Variants in SUFU observed in about 807,000 individuals in gnomAD.
SUFU encodes the protein suppressor of fused homolog.
A neutral mutation model predicts 58.9 loss-of-function variants in SUFU; 7 were observed. That is an observed-to-expected ratio of 0.12 (90% confidence interval 0.07 to 0.22). The LOEUF is 0.22. Among genes scored for constraint, SUFU ranks in the 10% least tolerant of loss-of-function variants. The pLI is 1.00. For missense variants in SUFU, 451 were observed against 641.3 expected (o/e 0.70, Z 3.20); for synonymous variants, 232 against 254.8 (o/e 0.91, Z 0.85).
At position 102,504,044 on chromosome 10, in the gene SUFU, C is replaced by T. The variant is rs2062285786; in HGVS notation, c.-109C>T. The T allele has an allele frequency of 7.2e-7, 1 of 1,395,012 alleles. No individual in the cohort carries two copies. Among genetic ancestry groups the T allele is most frequent in the Non-Finnish European group, 9.4e-7 (1 of 1,059,014 alleles). The allele number at this position is 1,395,012 out of a possible 1,614,324, so 86.4% of individuals were successfully genotyped here. ...GCGCGGAGCTAGACCTCGCTGCAGC[C>T]CCCATCGCCTCGGGGAGTCTCACCC... On this transcript the variant is annotated 5_prime_UTR_variant, in exon 1 of 12. Coordinates refer to ENST00000369902, the MANE Select transcript of SUFU (RefSeq NM_016169.4).
chr10:102,568,366 ACT>A (rs2063114618), intron 3 of SUFU, among the ~76,000 whole-genome samples: 1 of 152,066 alleles, frequency 6.6e-6, no homozygotes, highest in East Asian at 1.9e-4. Context: ...TTGTTGTTTG[ACT>A]CTCTTATAAT....
At chr10:102,505,324 G>A (rs1170574757) in intron 1 of SUFU, among the ~76,000 whole-genome samples, 4 of 152,286 alleles carry the variant, frequency 2.6e-5, no homozygotes, top group East Asian at 1.9e-4. Context: ...AGATGTTCTG[G>A]GGACTCTGGA....
At chr10:102,516,401 G>A (rs1226251158) in intron 2 of SUFU, among the ~76,000 whole-genome samples, 1 of 152,070 alleles carries the variant, frequency 6.6e-6, no homozygotes, top group African/African-American at 2.4e-5. Context: ...CCCAGCAGAT[G>A]TCTGTGGGTG....
At chr10:102,506,960 C>T (rs1002783816) in intron 1 of SUFU, among the ~76,000 whole-genome samples, 6 of 152,210 alleles carry the variant, frequency 3.9e-5, no homozygotes, top group Non-Finnish European at 5.9e-5. Context: ...ACTCATGGCC[C>T]ACTTCAGTCC....
chr10:102,624,004 G>A (rs187575115), intron 10 of SUFU, among the ~76,000 whole-genome samples: 526 of 152,242 alleles, frequency 3.5e-3, no homozygotes, highest in Middle Eastern at 6.8e-3. Context: ...GGCAAAGTGG[G>A]GATGATAGTC....
At chr10:102,557,337 G>A (rs2062992219) in intron 3 of SUFU, among the ~76,000 whole-genome samples, 1 of 152,158 alleles carries the variant, frequency 6.6e-6, no homozygotes, top group Non-Finnish European at 1.5e-5. Context: ...CAATACTTTG[G>A]GAGGCTGAGG....
chr10:102,550,993 C>T (rs1159347206), intron 3 of SUFU, among the ~76,000 whole-genome samples: 1 of 152,112 alleles, frequency 6.6e-6, no homozygotes, highest in Non-Finnish European at 1.5e-5. Flanking sequence ...ATCTGCCCGC[C>T]TCGCCTCCCA....
upstream of SUFU, chr10:102,502,820 G>C: frequency 1.6e-6 from 1 of 631,156 alleles, no homozygotes; most frequent in South Asian, 1.9e-5. Flanking sequence ...TAGCGATCTA[G>C]CTTGCTTTGT....
In SUFU at chr10:102,599,475, T is replaced by C; in HGVS notation, c.953T>C (p.Ile318Thr). 1 of 1,614,082 alleles carries C rather than the reference T, an allele frequency of 6.2e-7. No individual in the cohort carries two copies. Residue 318 changes from isoleucine (I) to threonine (T), a missense_variant, in exon 8 of 12, where the codon ATC becomes ACC. Transcript: ENST00000369902. ...GAGACCCTGAGGAGAGGACTCGAGA[T>C]CAACAGCAAACCTGTCCTTCCACCA... is the stretch of plus-strand genomic sequence containing the variant. ...IRETLRRGLE[I>T]NSKPVLPPIN...
At chr10:102,567,819 C>A (rs974623968) in intron 3 of SUFU, among the ~76,000 whole-genome samples, 37 of 152,086 alleles carry the variant, frequency 2.4e-4, no homozygotes, top group African/African-American at 7.7e-4. Flanking sequence ...CTGTGCTGGG[C>A]AGGGAACACA....
chr10:102,627,473 T>C (rs1307863683), intron 11 of SUFU, among the ~76,000 whole-genome samples: 1 of 152,248 alleles, frequency 6.6e-6, no homozygotes, highest in Non-Finnish European at 1.5e-5. Flanking sequence ...TCCCCTGCCC[T>C]ACCCCCAGCC....
In SUFU at chr10:102,530,748, C is replaced by A. The variant is rs183032521; in HGVS notation, c.318-19222C>A. Among the ~76,000 whole-genome samples, 17 of 152,092 alleles carry A rather than the reference C, an allele frequency of 1.1e-4. No homozygotes were observed. The East Asian group carries it at 2.9e-3, about 26-fold the overall frequency. ...GGATTACAGGTGTGAGCCACCATGT[C>A]TGGCCTTCTGTGACTCTTAATCCCA... On this transcript the variant is annotated intron_variant, in intron 2 of 11. Coordinates refer to ENST00000369902, the MANE Select transcript of SUFU (RefSeq NM_016169.4).
intron 2 of SUFU, among the ~76,000 whole-genome samples, chr10:102,517,305 A>AAAAC (rs577094060): frequency 6.6e-6 from 1 of 152,092 alleles, no homozygotes; most frequent in East Asian, 1.9e-4. Flanking sequence ...AAAACAAAGC[A>AAAAC]AAACAAACAA....
rs575192580 is a variant in SUFU at position 102,630,631 on chromosome 10, A to G, written c.*476A>G. The G allele has an allele frequency of 3.5e-4, 107 of 302,650 alleles. No homozygotes were observed. The highest frequency in any genetic ancestry group is 2.2e-3 in the African/African-American group (107 of 48,610). 18.7% of individuals were successfully genotyped at this position (302,650 alleles called of 1,614,324 possible). ...CTCTGGCCGCGGAACAATTCCTCTG[A>G]TCATGTTTGGTTTTCTTCTTCCTTA... On this transcript the variant is annotated 3_prime_UTR_variant, in exon 12 of 12. Coordinates refer to ENST00000369902, the MANE Select transcript of SUFU (RefSeq NM_016169.4).
intron 8 of SUFU, among the ~76,000 whole-genome samples, chr10:102,606,064 G>A (rs781494056): frequency 2.0e-5 from 3 of 152,184 alleles, no homozygotes; most frequent in Non-Finnish European, 2.9e-5. Context: ...AGACTTTTCC[G>A]TTCAGAGAGA....
rs369552569 is a variant in SUFU, at chr10:102,563,756, T to C, written c.454+13650T>C. Reference sequence around the variant, plus strand: ...TAAGGAGGAAGGTGAAATGGCCAGTTTGGGGAGTGAAGTCCTTTTTTTTTT... The same window carrying C: ...TAAGGAGGAAGGTGAAATGGCCAGTCTGGGGAGTGAAGTCCTTTTTTTTTT... On this transcript the variant is annotated intron_variant, in intron 3 of 11. Transcript: ENST00000369902. Among the ~76,000 whole-genome samples the C allele has an allele frequency of 6.2e-4, 94 of 151,540 alleles. 1 individual carries two copies. In the South Asian group the frequency reaches 0.019, roughly 31 times the overall value.
At chr10:102,607,572 G>A (rs1303933962) in intron 8 of SUFU, among the ~76,000 whole-genome samples, 9 of 152,192 alleles carry the variant, frequency 5.9e-5, no homozygotes, top group Admixed American at 3.9e-4. Flanking sequence ...ATGGAAGAGA[G>A]CTAAAAGCTC....
intron 3 of SUFU, among the ~76,000 whole-genome samples, chr10:102,562,128 A>G (rs1011290021): frequency 1.1e-4 from 16 of 152,074 alleles, no homozygotes; most frequent in Non-Finnish European, 2.4e-4. Flanking sequence ...TACATAAGGA[A>G]CCTCAATGCA....
chr10:102,512,033 A>G (rs564101557), intron 2 of SUFU, among the ~76,000 whole-genome samples: 1 of 152,214 alleles, frequency 6.6e-6, no homozygotes, highest in African/African-American at 2.4e-5. Context: ...GCTTTTAACC[A>G]CTGGGCTATT....
Sources: allele counts gnomAD v4.1 joint callset (sites outside exome capture counted in the v4.1 genomes callset), GRCh38; gene constraint gnomAD v4.1.1; transcripts MANE v1.5; gene names NCBI Gene and HGNC (gene_info 2026-07-23, HGNC 2026-07-21).